Variants in SGCE observed in about 807,000 individuals in gnomAD.
The protein encoded by SGCE is sarcoglycan epsilon, also known as epsilon-sarcoglycan.
A neutral mutation model predicts 57.8 loss-of-function variants in SGCE; 26 were observed. That is an observed-to-expected ratio of 0.45 (90% CI 0.33 to 0.62). The LOEUF (loss-of-function observed/expected upper bound fraction) is 0.62. Ranked by LOEUF, SGCE falls within the 20% of genes least tolerant of loss-of-function variation. SGCE has a pLI of 0.02. For missense variants in SGCE, 468 were observed against 548.6 expected (o/e 0.85, Z 1.47); for synonymous variants, 183 against 189.5 (o/e 0.97, Z 0.28).
intron 5 of SGCE, among the ~76,000 whole-genome samples, chr7:94,612,062 G>C (rs1031360465): frequency 4.6e-5 from 7 of 152,018 alleles, no homozygotes; most frequent in Non-Finnish European, 1.0e-4. Flanking sequence ...AACTACCAAG[G>C]CAACACCATA....
intron 5 of SGCE, among the ~76,000 whole-genome samples, chr7:94,607,771 CCTAA>C (rs1800379896): frequency 6.6e-6 from 1 of 152,180 alleles, no homozygotes; most frequent in African/African-American, 2.4e-5. Context: ...TACTGGAAGT[CCTAA>C]CTAATGTAAT....
intron 1 of SGCE, among the ~76,000 whole-genome samples, chr7:94,654,522 T>G (rs926001116): frequency 6.6e-6 from 1 of 152,236 alleles, no homozygotes; most frequent in Non-Finnish European, 1.5e-5. Flanking sequence ...TCCTAAAGAT[T>G]AAATTAAAAG....
intron 5 of SGCE, among the ~76,000 whole-genome samples, chr7:94,605,711 TAAAA>T (rs1457784179): frequency 6.6e-6 from 1 of 151,510 alleles, no homozygotes; most frequent in Non-Finnish European, 1.5e-5. Flanking sequence ...AAAACAATCA[TAAAA>T]AATGCTCAAT....
chr7:94,653,673 A>G (rs1808192017), intron 1 of SGCE, among the ~76,000 whole-genome samples: 1 of 151,990 alleles, frequency 6.6e-6, no homozygotes, highest in Non-Finnish European at 1.5e-5. Context: ...GATAACAAAA[A>G]GGTTTTATCT....
At chr7:94,655,315 C>T (rs1041926609) in intron 1 of SGCE, among the ~76,000 whole-genome samples, 22 of 152,142 alleles carry the variant, frequency 1.4e-4, no homozygotes, top group Admixed American at 1.4e-3. Context: ...AAATAGCGCA[C>T]TCGGTACGGC....
chr7:94,588,160 A>G (rs753863979), intron 10 of SGCE: 1 of 1,112,292 alleles, frequency 9.0e-7, no homozygotes, highest in Non-Finnish European at 1.1e-6. Context: ...AGCAAGTCTT[A>G]GGGAAATAGA....
At chr7:94,588,771 T>C in intron 9 of SGCE, 39 bp from the exon 10 acceptor site, 1 of 1,612,760 alleles carries the variant, frequency 6.2e-7, no homozygotes. Flanking sequence ...ACTGTTTGTT[T>C]ACACACTTGT....
At chr7:94,588,513 C>A (rs1326713435) in intron 10 of SGCE, 176 bp downstream of exon 10, 1 of 1,432,562 alleles carries the variant, frequency 7.0e-7, no homozygotes, top group Admixed American at 2.6e-5. Flanking sequence ...ATTCTGATGC[C>A]AATCTATGTA....
intron 1 of SGCE, among the ~76,000 whole-genome samples, chr7:94,648,716 G>A (rs1344028451): frequency 1.3e-5 from 2 of 152,168 alleles, no homozygotes; most frequent in Non-Finnish European, 2.9e-5. Flanking sequence ...AAAAGCCAAT[G>A]TCATTTTACT....
chr7:94,587,933 C>T (rs922552751), intron 10 of SGCE: 2 of 1,429,260 alleles, frequency 1.4e-6, no homozygotes, highest in Admixed American at 6.8e-5. Flanking sequence ...CACAATGCCG[C>T]TATTCATACT....
At chr7:94,649,696 G>A (rs1207573934) in intron 1 of SGCE, among the ~76,000 whole-genome samples, 2 of 152,166 alleles carry the variant, frequency 1.3e-5, no homozygotes, top group Non-Finnish European at 2.9e-5. Context: ...ATAAGGAAAA[G>A]AGAAAGTTGT....
intron 1 of SGCE, among the ~76,000 whole-genome samples, chr7:94,636,073 A>G (rs76197983): frequency 0.019 from 2,859 of 152,326 alleles, 45 homozygotes; most frequent in Non-Finnish European, 0.031. Flanking sequence ...CATTACTTGA[A>G]TCTTCTACAA....
intron 10 of SGCE, chr7:94,588,382 T>C: frequency 8.6e-7 from 1 of 1,157,950 alleles, no homozygotes; most frequent in South Asian, 2.3e-5. Context: ...CTAAGAATCT[T>C]TCATACCAAG....
At chr7:94,629,675 A>C in intron 2 of SGCE, 44 bp downstream of exon 2, 1 of 1,604,534 alleles carries the variant, frequency 6.2e-7, no homozygotes, top group Non-Finnish European at 8.5e-7. Flanking sequence ...TTAAACAAAA[A>C]ATTTAGTACG....
At chr7:94,599,257 C>G (rs1798861629) in intron 8 of SGCE, 1 of 305,044 alleles carries the variant, frequency 3.3e-6, no homozygotes, top group Non-Finnish European at 6.0e-6. Context: ...TATTTATTTT[C>G]TATGATTTAA....
intron 4 of SGCE, chr7:94,620,675 T>C (rs1052419028): frequency 6.6e-6 from 1 of 152,230 alleles, no homozygotes; most frequent in African/African-American, 2.4e-5. Context: ...TCTTAAAAAG[T>C]ATCTAAAACT....
intron 1 of SGCE, among the ~76,000 whole-genome samples, chr7:94,636,834 C>T (rs1256508400): frequency 2.0e-5 from 3 of 152,104 alleles, no homozygotes; most frequent in African/African-American, 4.8e-5. Flanking sequence ...GAGGGCAAGG[C>T]GGGCAGATCA....
chr7:94,639,721 TAC>T (rs1014418368), intron 1 of SGCE, among the ~76,000 whole-genome samples: 54 of 152,262 alleles, frequency 3.5e-4, no homozygotes, highest in African/African-American at 1.2e-3. Flanking sequence ...TACACATATA[TAC>T]ACACACACAT....
chr7:94,655,898 G>C, intron 1 of SGCE, 92 bp downstream of exon 1: 1 of 765,754 alleles, frequency 1.3e-6, no homozygotes, highest in Non-Finnish European at 2.3e-6. Context: ...GGTGCCCAAA[G>C]GGCGCGCTCA....
Sources: gnomAD v4.1 joint callset for allele counts (sites outside exome capture counted in the v4.1 genomes callset) on GRCh38, gnomAD v4.1.1 for gene constraint, MANE v1.5 for transcripts, NCBI Gene and HGNC (gene_info 2026-07-23, HGNC 2026-07-21) for gene names.